Variants in VOPP1 observed in about 807,000 individuals in gnomAD.
VOPP1 encodes the protein VOPP1 WW domain binding protein, also known as WW domain binding protein VOPP1.
Under a neutral mutation model 23.5 loss-of-function variants are expected in VOPP1, and 8 were observed. The observed-to-expected ratio is 0.34, with a 90% CI of 0.20 to 0.61. VOPP1 has a LOEUF of 0.61. Ranked by LOEUF, VOPP1 falls within the 20% of genes least tolerant of loss-of-function variation. The pLI is 0.78. For synonymous variants in VOPP1, 83 were observed against 97.3 expected (o/e 0.85, Z 0.86); for missense variants, 174 against 238.1 (o/e 0.73, Z 1.77).
downstream of VOPP1, among the ~76,000 whole-genome samples, chr7:55,466,811 T>C (rs114573643): frequency 1.4e-3 from 210 of 152,282 alleles, 1 homozygote; most frequent in African/African-American, 4.9e-3. Context: ...AACATTTTAA[T>C]TGATAAATTA....
intron 1 of VOPP1, among the ~76,000 whole-genome samples, chr7:55,544,248 G>A (rs987019915): frequency 6.6e-6 from 1 of 152,184 alleles, no homozygotes; most frequent in Non-Finnish European, 1.5e-5. Flanking sequence ...GCATGCTTCT[G>A]TGTTAATCTG....
At chr7:55,524,788 T>C (rs142784931) in intron 1 of VOPP1, among the ~76,000 whole-genome samples, 1,667 of 152,204 alleles carry the variant, frequency 0.011, 11 homozygotes, top group Middle Eastern at 0.02. Context: ...CACGCCTGCC[T>C]GAGGAGCCCA....
intron 1 of VOPP1, among the ~76,000 whole-genome samples, chr7:55,564,243 G>GTGTCTCTCTCTCTC (rs1554302406): frequency 7.9e-6 from 1 of 125,896 alleles, no homozygotes; most frequent in Non-Finnish European, 1.6e-5. Flanking sequence ...CTCTGTCTCT[G>GTGTCTCTCTCTCTC]TCTCTCTCTC....
At chr7:55,461,507 G>A (rs1791500572) in intron 4 of VOPP1, among the ~76,000 whole-genome samples, 1 of 152,072 alleles carries the variant, frequency 6.6e-6, no homozygotes, top group Non-Finnish European at 1.5e-5. Context: ...TGCCTCCTGG[G>A]TCCTGGTTCA....
chr7:55,489,189 CA>C (rs960688115), intron 4 of VOPP1, among the ~76,000 whole-genome samples: 14 of 152,248 alleles, frequency 9.2e-5, no homozygotes, highest in Non-Finnish European at 2.1e-4. Flanking sequence ...CTGGACCTGA[CA>C]GGGAAATGAT....
intron 1 of VOPP1, among the ~76,000 whole-genome samples, chr7:55,550,074 G>A (rs1797540796): frequency 6.6e-6 from 1 of 152,200 alleles, no homozygotes; most frequent in Admixed American, 6.5e-5. Flanking sequence ...GTGCACAGGC[G>A]CTACTCCCCA....
chr7:55,451,629 A>G (rs868697607), intron 4 of VOPP1, among the ~76,000 whole-genome samples: 1 of 152,236 alleles, frequency 6.6e-6, no homozygotes, highest in African/African-American at 2.4e-5. Flanking sequence ...CGTCTCTACT[A>G]AAAATACAAA....
chr7:55,510,260 G>A (rs1192109382), intron 2 of VOPP1, among the ~76,000 whole-genome samples: 1 of 152,166 alleles, frequency 6.6e-6, no homozygotes, highest in Non-Finnish European at 1.5e-5. Context: ...TAATGTCTGA[G>A]TCCTCAAGGC....
intron 1 of VOPP1, among the ~76,000 whole-genome samples, chr7:55,562,262 GAC>G (rs2129056401): frequency 6.6e-6 from 1 of 152,266 alleles, no homozygotes; most frequent in South Asian, 2.1e-4. Context: ...GACTGCCTGA[GAC>G]ACAGGCCCTG....
chr7:55,509,232 C>T (rs1346023390), intron 2 of VOPP1, among the ~76,000 whole-genome samples: 1 of 152,182 alleles, frequency 6.6e-6, no homozygotes, highest in African/African-American at 2.4e-5. Context: ...TCTATTTTTA[C>T]TTGAGTTGGT....
At chr7:55,547,031 C>T (rs1440752819) in intron 1 of VOPP1, among the ~76,000 whole-genome samples, 1 of 152,240 alleles carries the variant, frequency 6.6e-6, no homozygotes, top group African/African-American at 2.4e-5. Context: ...TTCTGCCAAC[C>T]GCCCAGACTG....
chr7:55,489,578 T>C (rs1793412210), intron 4 of VOPP1, among the ~76,000 whole-genome samples: 1 of 152,158 alleles, frequency 6.6e-6, no homozygotes. Context: ...CATGCAGCGG[T>C]GACTGAGGGC....
chr7:55,489,434 T>C (rs1793398240), intron 4 of VOPP1, among the ~76,000 whole-genome samples: 1 of 152,246 alleles, frequency 6.6e-6, no homozygotes. Flanking sequence ...GAAGCCTTCC[T>C]GGAGTTGTGC....
At chr7:55,458,117 G>C (rs1279291779) in intron 4 of VOPP1, among the ~76,000 whole-genome samples, 1 of 152,014 alleles carries the variant, frequency 6.6e-6, no homozygotes, top group Admixed American at 6.6e-5. Context: ...AGACATTAGG[G>C]GTCTAGTTTC....
chr7:55,522,168 A>G (rs1043018395), intron 1 of VOPP1, among the ~76,000 whole-genome samples: 16 of 152,194 alleles, frequency 1.1e-4, no homozygotes, highest in Admixed American at 9.8e-4. Flanking sequence ...CAGCAGGTGT[A>G]CAGCAATGCC....
chr7:55,491,576 G>T (rs1272691637), intron 4 of VOPP1, among the ~76,000 whole-genome samples: 1 of 152,160 alleles, frequency 6.6e-6, no homozygotes, highest in Non-Finnish European at 1.5e-5. Flanking sequence ...TTGGCTCCCC[G>T]CTGTCATCAG....
chr7:55,445,909 T>C (rs2331061), intron 4 of VOPP1, among the ~76,000 whole-genome samples: 10,878 of 152,304 alleles, frequency 0.071, 604 homozygotes, highest in East Asian at 0.27. Flanking sequence ...TGGCTATGTA[T>C]TGGGCAGTGC....
At chr7:55,535,375 G>A (rs1307493413) in intron 1 of VOPP1, among the ~76,000 whole-genome samples, 1 of 152,212 alleles carries the variant, frequency 6.6e-6, no homozygotes, top group Middle Eastern at 3.2e-3. Flanking sequence ...AAAGCTCAGT[G>A]AGCTCAGAGG....
chr7:55,487,109 G>A (rs568842929), intron 4 of VOPP1, among the ~76,000 whole-genome samples: 56 of 152,290 alleles, frequency 3.7e-4, no homozygotes, highest in Non-Finnish European at 7.2e-4. Flanking sequence ...AAGCAGCCCT[G>A]TTTGTGCTTG....
Sources: gnomAD v4.1 joint callset for allele counts (sites outside exome capture counted in the v4.1 genomes callset) on GRCh38, gnomAD v4.1.1 for gene constraint, MANE v1.5 for transcripts, NCBI Gene and HGNC (gene_info 2026-07-23, HGNC 2026-07-21) for gene names.